The following RGS6 variants were observed in gnomAD, a reference collection of about 807,000 sequenced individuals.
RGS6 encodes regulator of G protein signaling 6.
A neutral mutation model predicts 78.5 loss-of-function variants in RGS6; 30 were observed. That is an observed-to-expected ratio of 0.38 (90% CI 0.29 to 0.52). The LOEUF is 0.52. Ranked by LOEUF, RGS6 falls within the 20% of genes least tolerant of loss-of-function variation. RGS6 has a pLI of 0.85. For missense variants in RGS6, 495 were observed against 609.7 expected, an observed-to-expected ratio of 0.81 and a Z score of 1.98; for synonymous variants, 206 against 206.0, an observed-to-expected ratio of 1.00 and a Z score of 0.00.
chr14:72,417,021 C>T (rs984406915), intron 3 of RGS6, among the ~76,000 whole-genome samples: 3 of 152,158 alleles, frequency 2.0e-5, no homozygotes, highest in South Asian at 2.1e-4. Flanking sequence ...CTATGATTAC[C>T]GTCCCTGTCA....
chr14:72,370,669 G>GTA, intron 3 of RGS6, among the ~76,000 whole-genome samples: 1 of 152,266 alleles, frequency 6.6e-6, no homozygotes, highest in Admixed American at 6.5e-5. Context: ...GGGGCAGGGA[G>GTA]TATATTGTGA....
At chr14:72,449,437 TAGG>T (rs1471684538) in intron 3 of RGS6, among the ~76,000 whole-genome samples, 1 of 152,176 alleles carries the variant, frequency 6.6e-6, no homozygotes, top group Non-Finnish European at 1.5e-5. Flanking sequence ...TGTTTTATAC[TAGG>T]ATCTCCTGCG....
chr14:72,209,968 T>C (rs2043666650), intron 2 of RGS6, among the ~76,000 whole-genome samples: 1 of 152,228 alleles, frequency 6.6e-6, no homozygotes, highest in Admixed American at 6.5e-5. Context: ...TCAAAACTAA[T>C]TATTGCCATA....
At chr14:72,457,223 T>C (rs956888601) in intron 4 of RGS6, among the ~76,000 whole-genome samples, 28 of 152,324 alleles carry the variant, frequency 1.8e-4, no homozygotes, top group Admixed American at 1.8e-3. Flanking sequence ...ACGCAAAACA[T>C]TGCATTGTAT....
chr14:71,973,058 A>G (rs1255844291), intron 2 of RGS6, among the ~76,000 whole-genome samples: 1 of 152,172 alleles, frequency 6.6e-6, no homozygotes, highest in African/African-American at 2.4e-5. Context: ...GCCCCACTCC[A>G]CTAGCTCATT....
At chr14:72,230,527 CTG>C (rs1448559061) in intron 2 of RGS6, among the ~76,000 whole-genome samples, 2 of 152,154 alleles carry the variant, frequency 1.3e-5, no homozygotes, top group East Asian at 3.9e-4. Flanking sequence ...AGATTGGAAA[CTG>C]TAGCACTCAG....
intron 2 of RGS6, among the ~76,000 whole-genome samples, chr14:72,015,678 C>T (rs1201777317): frequency 6.6e-6 from 1 of 152,200 alleles, no homozygotes; most frequent in African/African-American, 2.4e-5. Flanking sequence ...TACCAAATTG[C>T]TCTCCAAAGC....
At chr14:72,350,821 ATAG>A (rs2078983295) in intron 2 of RGS6, among the ~76,000 whole-genome samples, 1 of 152,202 alleles carries the variant, frequency 6.6e-6, no homozygotes, top group Non-Finnish European at 1.5e-5. Context: ...AATGGAGATA[ATAG>A]TAGAATCTAT....
chr14:72,134,033 T>A (rs1186584424), intron 2 of RGS6, among the ~76,000 whole-genome samples: 1 of 152,210 alleles, frequency 6.6e-6, no homozygotes, highest in African/African-American at 2.4e-5. Context: ...ATTGGAGTTG[T>A]CATTCAAATT....
At chr14:72,474,780 A>G (rs757884539) in intron 10 of RGS6, 81 bp downstream of exon 10, 59 of 1,135,804 alleles carry the variant, frequency 5.2e-5, no homozygotes, top group Non-Finnish European at 6.9e-5. Context: ...GTAATTTGCT[A>G]CTTGTAATTC....
chr14:72,124,598 A>G (rs1020551442), intron 2 of RGS6, among the ~76,000 whole-genome samples: 1 of 152,228 alleles, frequency 6.6e-6, no homozygotes, highest in African/African-American at 2.4e-5. Flanking sequence ...TAAGCCATTC[A>G]TTGTTGGCGA....
chr14:72,528,266 C>G lies in RGS6; in HGVS notation c.1279-7920C>G, dbSNP rs1173904359. On this transcript the variant is annotated intron_variant, in intron 15 of 17. Coordinates refer to ENST00000553525, the MANE Select transcript of RGS6 (RefSeq NM_001204424.2). Reference sequence around the variant, plus strand: ...TTTGTACTGCATGCTCTCTCCAGCTCTCACTGTGCCTCGGACTCTATTGAT... The same window carrying G: ...TTTGTACTGCATGCTCTCTCCAGCTGTCACTGTGCCTCGGACTCTATTGAT... Among the ~76,000 whole-genome samples, 3 of 152,252 alleles carry G rather than the reference C, an allele frequency of 2.0e-5. 1 individual carries two copies. Among genetic ancestry groups the G allele is most frequent in the Non-Finnish European group, 4.4e-5 (3 of 68,046 alleles).
At chr14:72,015,541 A>G (rs1567023847) in intron 2 of RGS6, among the ~76,000 whole-genome samples, 1 of 152,256 alleles carries the variant, frequency 6.6e-6, no homozygotes, top group Non-Finnish European at 1.5e-5. Flanking sequence ...TTGTTATTAC[A>G]AATAGTGATA....
chr14:71,883,885 GC>G, the RGS6 span, among the ~76,000 whole-genome samples: 1 of 140,330 alleles, frequency 7.1e-6, no homozygotes, highest in Admixed American at 7.1e-5. Context: ...TTTGAGAATT[GC>G]CCCCATCCTC....
At chr14:72,403,806 C>T (rs1241540011) in intron 3 of RGS6, among the ~76,000 whole-genome samples, 1 of 152,016 alleles carries the variant, frequency 6.6e-6, no homozygotes, top group African/African-American at 2.4e-5. Flanking sequence ...AGCAATAAGC[C>T]AATACTTAAC....
intron 2 of RGS6, among the ~76,000 whole-genome samples, chr14:72,105,971 G>T (rs1162908284): frequency 6.6e-6 from 1 of 152,190 alleles, no homozygotes; most frequent in Non-Finnish European, 1.5e-5. Flanking sequence ...GACGTCTTCA[G>T]CGTAGGTCCC....
the RGS6 span, among the ~76,000 whole-genome samples, chr14:71,901,370 T>C: frequency 4.6e-5 from 7 of 152,358 alleles, no homozygotes; most frequent in African/African-American, 1.7e-4. Flanking sequence ...TTTTCATTCC[T>C]ATAACATAAG....
the RGS6 span, among the ~76,000 whole-genome samples, chr14:71,903,655 G>A: frequency 3.9e-5 from 6 of 152,144 alleles, no homozygotes; most frequent in African/African-American, 1.4e-4. Context: ...TGGAGCTGGA[G>A]CAACAAATTC....
intron 1 of RGS6, among the ~76,000 whole-genome samples, chr14:71,938,621 T>A (rs2089965558): frequency 6.6e-6 from 1 of 152,168 alleles, no homozygotes; most frequent in African/African-American, 2.4e-5. Context: ...CATGGGCACT[T>A]GAGCCACTTC....
Sources: allele counts gnomAD v4.1 joint callset (sites outside exome capture counted in the v4.1 genomes callset), GRCh38; gene constraint gnomAD v4.1.1; transcripts MANE v1.5; gene names NCBI Gene and HGNC (gene_info 2026-07-23, HGNC 2026-07-21).